The following PLAGL1 variants were observed in gnomAD, a reference collection of about 807,000 sequenced individuals.
The protein encoded by PLAGL1 is PLAG1 like zinc finger 1, also known as zinc finger protein PLAGL1.
In PLAGL1, 1 loss-of-function variant was observed where a neutral mutation model predicts 4.6. That is an observed-to-expected ratio of 0.22 (90% CI 0.08 to 1.03). The LOEUF (loss-of-function observed/expected upper bound fraction) is 1.03, where lower values mean the gene tolerates loss of function less well. Among genes scored for constraint, PLAGL1 ranks in the 50% least tolerant of loss-of-function variants. PLAGL1 has a pLI of 0.58. For missense variants in PLAGL1, 464 were observed against 570.4 expected, an observed-to-expected ratio of 0.81 and a Z score of 1.90; for synonymous variants, 240 against 237.8, an observed-to-expected ratio of 1.01 and a Z score of -0.08.
rs765832081 is a variant in PLAGL1 at position 143,942,309 on chromosome 6, C to T, written c.507G>A (p.Lys169=). 4 of 1,613,994 alleles carry T rather than the reference C, an allele frequency of 2.5e-6. No homozygotes were observed. Among genetic ancestry groups the T allele is most frequent in the East Asian group, 2.2e-5 (1 of 44,886 alleles). The part of the protein sequence containing the change: ...DHCERCFYTR[K]DVRRHLVVHT... Reference sequence around the variant, plus strand: ...GGACCACCAGGTGGCGTCGCACATCCTTCCGGGTGTAGAAGCATCTTTCAC... The same window carrying T: ...GGACCACCAGGTGGCGTCGCACATCTTTCCGGGTGTAGAAGCATCTTTCAC... The change falls in exon 8 of 8, where the codon AAG becomes AAA. Residue 169 remains lysine, a synonymous_variant. Coordinates refer to ENST00000674357, the MANE Select transcript of PLAGL1 (RefSeq NM_001317162.2). This position sits in a 1 kb window ranked among gnomAD's most constrained non-coding sequence, Gnocchi z 7.6.
chr6:144,012,638 G>T (rs1232681127), upstream of PLAGL1, among the ~76,000 whole-genome samples: 1 of 152,166 alleles, frequency 6.6e-6, no homozygotes, highest in African/African-American at 2.4e-5. The surrounding 1 kb of genome is among the most constrained non-coding windows in gnomAD (Gnocchi z 4.8). Flanking sequence ...TGAACTATAT[G>T]AAATCCTTTT....
intron 1 of PLAGL1, among the ~76,000 whole-genome samples, chr6:144,033,726 G>A (rs1449801522): frequency 6.6e-6 from 1 of 152,162 alleles, no homozygotes; most frequent in African/African-American, 2.4e-5. Flanking sequence ...CTACATGCCA[G>A]AACAAAGTCC....
intron 1 of PLAGL1, among the ~76,000 whole-genome samples, chr6:144,052,788 C>T (rs2128725614): frequency 6.6e-6 from 1 of 152,106 alleles, no homozygotes; most frequent in East Asian, 1.9e-4. Flanking sequence ...CTGTATTTTT[C>T]CTTTTCCAAC....
intron 1 of PLAGL1, among the ~76,000 whole-genome samples, chr6:144,020,235 A>C (rs1218257917): frequency 1.3e-5 from 2 of 152,020 alleles, no homozygotes; most frequent in African/African-American, 2.4e-5. Flanking sequence ...GTGGGAAATA[A>C]ATTCATGTTG....
intron 1 of PLAGL1, among the ~76,000 whole-genome samples, chr6:143,987,506 C>T (rs1789487950): frequency 1.7e-5 from 2 of 120,560 alleles, no homozygotes; most frequent in Non-Finnish European, 3.2e-5. Flanking sequence ...GTCTTGAATT[C>T]CTGGGCCCAA....
rs1784819541 is a variant in PLAGL1, at chr6:143,968,323, A to G, written c.-472+584T>C. 2 of 152,170 alleles carry G rather than the reference A, an allele frequency of 1.3e-5. No individual in the cohort carries two copies. The highest frequency in any genetic ancestry group is 4.1e-4 in the South Asian group (2 of 4,826). The allele number at this position is 152,170 out of a possible 1,614,324, so 9.4% of individuals were successfully genotyped here. A position where few individuals can be genotyped will look rare whatever the true frequency, so the allele number is the denominator to read the frequency against. ...AAATAAACACTGGTTGAGTGACATAACCTATTTCACAACTCTAGAAAATTT... is the reference window on the plus strand; with the variant it reads ...AAATAAACACTGGTTGAGTGACATAGCCTATTTCACAACTCTAGAAAATTT... On this transcript the variant is annotated intron_variant, in intron 3 of 7. Transcript: ENST00000674357. This position sits in a 1 kb window ranked among gnomAD's most constrained non-coding sequence, Gnocchi z 6.3.
rs1459951938 is a variant in PLAGL1 at position 143,963,195 on chromosome 6, C to T, written c.-399+1592G>A. On this transcript the variant is annotated intron_variant, in intron 5 of 7. Coordinates refer to ENST00000674357, the MANE Select transcript of PLAGL1 (RefSeq NM_001317162.2). This position sits in a 1 kb window ranked among gnomAD's most constrained non-coding sequence, Gnocchi z 6.1. ...CCTTCTCACATTAATACATGATCTC[C>T]CTGGGGGACCCCATGCACAACCCAA... Among the ~76,000 whole-genome samples the T allele has an allele frequency of 6.6e-6, 1 of 152,154 alleles. No individual in the cohort carries two copies. The highest frequency in any genetic ancestry group is 1.9e-4 in the East Asian group (1 of 5,192).
intron 7 of PLAGL1, among the ~76,000 whole-genome samples, chr6:143,946,153 G>A (rs911407079): frequency 1.3e-5 from 2 of 152,206 alleles, no homozygotes; most frequent in Non-Finnish European, 2.9e-5. Flanking sequence ...GTATACACAG[G>A]TTTCACACCC....
chr6:144,061,126 T>G lies in PLAGL1; in HGVS notation c.-151+3342A>C, dbSNP rs1029944205. On this transcript the variant is annotated intron_variant, in intron 1 of 3. Coordinates refer to the PLAGL1 transcript ENST00000437412. This position sits in a 1 kb window ranked among gnomAD's most constrained non-coding sequence, Gnocchi z 4.4. ...CTGGGTGACAGTGTGAGTAGAAGAG[T>G]TGTAACAGACATGCATGATTACAGC... Among the ~76,000 whole-genome samples the G allele has an allele frequency of 6.6e-6, 1 of 152,136 alleles. No homozygotes were observed. Among genetic ancestry groups the G allele is most frequent in the Non-Finnish European group, 1.5e-5 (1 of 68,018 alleles).
intron 1 of PLAGL1, among the ~76,000 whole-genome samples, chr6:144,033,197 C>T (rs181340716): frequency 1.3e-5 from 2 of 152,300 alleles, no homozygotes; most frequent in Admixed American, 6.5e-5. Context: ...GGACTACTGC[C>T]TGTAATTGCT....
chr6:144,042,041 G>A (rs1180426852), intron 1 of PLAGL1, among the ~76,000 whole-genome samples: 1 of 151,746 alleles, frequency 6.6e-6, no homozygotes, highest in Non-Finnish European at 1.5e-5. Flanking sequence ...TTTTTTTCTT[G>A]TAAATTTGAG....
intron 1 of PLAGL1, among the ~76,000 whole-genome samples, chr6:144,049,498 A>G (rs1489680277): frequency 6.6e-6 from 1 of 152,238 alleles, no homozygotes; most frequent in Non-Finnish European, 1.5e-5. Context: ...AGGCATCAGG[A>G]AACTTACAAT....
In PLAGL1 at chr6:143,972,546, A is replaced by G. The variant is rs1785629202; in HGVS notation, c.-543-3568T>C. Among the ~76,000 whole-genome samples the G allele has an allele frequency of 6.6e-6, 1 of 152,146 alleles. No individual in the cohort carries two copies. The highest frequency in any genetic ancestry group is 6.5e-5 in the Admixed American group (1 of 15,274). On this transcript the variant is annotated intron_variant, in intron 2 of 7. Transcript: ENST00000674357. This position sits in a 1 kb window ranked among gnomAD's most constrained non-coding sequence, Gnocchi z 6.8. ...TGGTCTGCTAGCCAGTTTCTGTTTGACACACACTTCCAGTTACAATATCCC... is the reference window on the plus strand; with the variant it reads ...TGGTCTGCTAGCCAGTTTCTGTTTGGCACACACTTCCAGTTACAATATCCC...
At chr6:144,047,990 T>C (rs1339386116) in intron 1 of PLAGL1, among the ~76,000 whole-genome samples, 2 of 152,150 alleles carry the variant, frequency 1.3e-5, no homozygotes, top group African/African-American at 4.8e-5. Flanking sequence ...AAGCATTAGA[T>C]AAATGCTCCC....
In PLAGL1 at chr6:143,994,841, T is replaced by TA. The variant is rs1310940901; in HGVS notation, c.-583-9668dup. 6.6e-6 allele frequency among the ~76,000 whole-genome samples: 1 copy of TA among 152,238 alleles called. No homozygotes were observed. Among genetic ancestry groups the TA allele is most frequent in the Non-Finnish European group, 1.5e-5 (1 of 68,040 alleles). ...TTTAATCCAATTAAAATTCTCATTA[T>TA]AATACATGTCAGTTTCTGATGTGTT... On this transcript the variant is annotated intron_variant, in intron 1 of 7. Coordinates refer to ENST00000674357, the MANE Select transcript of PLAGL1 (RefSeq NM_001317162.2). This position sits in a 1 kb window ranked among gnomAD's most constrained non-coding sequence, Gnocchi z 4.3.
chr6:144,058,550 A>G (rs1341900274), intron 1 of PLAGL1, among the ~76,000 whole-genome samples: 3 of 152,206 alleles, frequency 2.0e-5, no homozygotes, highest in Non-Finnish European at 4.4e-5. Flanking sequence ...CAAAGCCCTA[A>G]GTCTCATCTG....
chr6:143,956,998 G>A (rs560580076), intron 6 of PLAGL1, among the ~76,000 whole-genome samples: 1 of 152,332 alleles, frequency 6.6e-6, no homozygotes, highest in East Asian at 1.9e-4. Context: ...GGATCCCCAC[G>A]AAAGGGCCAA....
rs1451707639 is a variant in PLAGL1 at position 143,973,176 on chromosome 6, T to C, written c.-543-4198A>G. Among the ~76,000 whole-genome samples the C allele has an allele frequency of 1.3e-5, 2 of 152,200 alleles. No individual in the cohort carries two copies. The highest frequency in any genetic ancestry group is 2.9e-5 in the Non-Finnish European group (2 of 68,034). On this transcript the variant is annotated intron_variant, in intron 2 of 7. Transcript: ENST00000674357. The surrounding 1 kb of genome is among the most constrained non-coding windows in gnomAD (Gnocchi z 6.2). ...AAAGCTAGTTAGGCAGAGCCATTCA[T>C]TCCTTCAGGAAAACAGGGCATTGAT...
chr6:143,993,105 G>A (rs1488938677), intron 1 of PLAGL1, among the ~76,000 whole-genome samples: 3 of 148,508 alleles, frequency 2.0e-5, no homozygotes, highest in East Asian at 2.0e-4. Flanking sequence ...TCAGGAGTTC[G>A]AGTCCAGCCT....
Sources: allele counts gnomAD v4.1 joint callset (sites outside exome capture counted in the v4.1 genomes callset), GRCh38; gene constraint gnomAD v4.1.1; non-coding constraint Gnocchi (gnomAD v3.1); transcripts MANE v1.5; gene names NCBI Gene and HGNC (gene_info 2026-07-23, HGNC 2026-07-21).